The following CACNA2D1 variants were observed in gnomAD, a reference collection of about 807,000 sequenced individuals.
CACNA2D1 encodes voltage-dependent calcium channel subunit alpha-2/delta-1.
A neutral mutation model predicts 171.5 loss-of-function variants in CACNA2D1; 53 were observed. The ratio of observed to expected loss-of-function variants is 0.31; its 90% CI spans 0.25 to 0.39. The LOEUF (loss-of-function observed/expected upper bound fraction) is 0.39. Among genes scored for constraint, CACNA2D1 ranks in the 10% least tolerant of loss-of-function variants. The pLI is 1.00. For synonymous variants in CACNA2D1, 442 were observed against 443.1 expected, an observed-to-expected ratio of 1.00 and a Z score of 0.03; for missense variants, 903 against 1,299.8, an observed-to-expected ratio of 0.69 and a Z score of 4.69.
At chr7:82,110,609 G>A (rs150790158) in intron 6 of CACNA2D1, among the ~76,000 whole-genome samples, 165 of 152,200 alleles carry the variant, frequency 1.1e-3, no homozygotes, top group African/African-American at 3.9e-3. Flanking sequence ...CCTGCTCCCC[G>A]TTCGCTTGCT....
intron 18 of CACNA2D1, 87 bp downstream of exon 18, chr7:82,005,336 G>C: frequency 1.2e-6 from 1 of 834,468 alleles, no homozygotes; most frequent in Non-Finnish European, 2.0e-6. Flanking sequence ...AGTGTTATAC[G>C]GTAAATTTTA....
intron 4 of CACNA2D1, among the ~76,000 whole-genome samples, chr7:82,151,067 G>T (rs1389614087): frequency 2.0e-5 from 3 of 152,116 alleles, no homozygotes; most frequent in Admixed American, 1.3e-4. Context: ...TTGTTAAAAT[G>T]TTAATTTCTG....
chr7:82,430,319 G>C (rs1829565511), intron 1 of CACNA2D1, among the ~76,000 whole-genome samples: 1 of 151,602 alleles, frequency 6.6e-6, no homozygotes, highest in Non-Finnish European at 1.5e-5. Context: ...TCAGGAGGCT[G>C]AGGCAGGAGA....
intron 4 of CACNA2D1, among the ~76,000 whole-genome samples, chr7:82,146,536 A>G (rs1793129992): frequency 1.4e-5 from 2 of 146,616 alleles, no homozygotes; most frequent in African/African-American, 2.5e-5. Context: ...CTATATATAT[A>G]TCTTTTACAG....
At chr7:82,370,917 T>C (rs962093234) in intron 1 of CACNA2D1, among the ~76,000 whole-genome samples, 1 of 152,170 alleles carries the variant, frequency 6.6e-6, no homozygotes, top group Non-Finnish European at 1.5e-5. Flanking sequence ...CCAAGAACTT[T>C]AGTGAAAAAG....
intron 1 of CACNA2D1, among the ~76,000 whole-genome samples, chr7:82,421,172 GAC>G (rs1828684548): frequency 6.6e-6 from 1 of 152,120 alleles, no homozygotes; most frequent in South Asian, 2.1e-4. Context: ...GTTCTAAGGA[GAC>G]AGTTTCTGAT....
At chr7:82,278,441 T>A (rs890073785) in intron 3 of CACNA2D1, among the ~76,000 whole-genome samples, 1 of 150,890 alleles carries the variant, frequency 6.6e-6, no homozygotes, top group African/African-American at 2.4e-5. Flanking sequence ...TAGCTGGATC[T>A]CAGCTACTCA....
At chr7:82,251,522 G>A (rs994928775) in intron 3 of CACNA2D1, among the ~76,000 whole-genome samples, 1 of 152,080 alleles carries the variant, frequency 6.6e-6, no homozygotes, top group African/African-American at 2.4e-5. Context: ...AGAGTACAAT[G>A]TATTATCATT....
intron 4 of CACNA2D1, among the ~76,000 whole-genome samples, chr7:82,138,195 TACC>T (rs139668021): frequency 0.084 from 12,766 of 152,102 alleles, 652 homozygotes; most frequent in South Asian, 0.17. Flanking sequence ...TTGAGAAACA[TACC>T]ACGAGACTGA....
intron 1 of CACNA2D1, among the ~76,000 whole-genome samples, chr7:82,442,423 T>C (rs987662975): frequency 1.3e-5 from 2 of 152,200 alleles, no homozygotes; most frequent in African/African-American, 4.8e-5. Flanking sequence ...AAATAAATGC[T>C]TTCCCAGAAT....
intron 5 of CACNA2D1, among the ~76,000 whole-genome samples, chr7:82,132,778 AACAG>A (rs1055064263): frequency 1.3e-5 from 2 of 152,204 alleles, no homozygotes; most frequent in African/African-American, 4.8e-5. Flanking sequence ...GTATCTCTCT[AACAG>A]ACAAACTGAT....
At chr7:81,978,788 G>T (rs891104841) in intron 24 of CACNA2D1, among the ~76,000 whole-genome samples, 2 of 128,812 alleles carry the variant, frequency 1.6e-5, no homozygotes, top group Non-Finnish European at 3.2e-5. Context: ...CACACACACT[G>T]TTCAAAACAG....
chr7:82,345,681 A>AGT (rs3054696), intron 2 of CACNA2D1, among the ~76,000 whole-genome samples: 8,765 of 146,274 alleles, frequency 0.06, 279 homozygotes, highest in South Asian at 0.08. Flanking sequence ...TAGCTAAAGG[A>AGT]GTGTGTGTGT....
At chr7:82,010,172 T>C (rs1360344710) in intron 15 of CACNA2D1, among the ~76,000 whole-genome samples, 1 of 152,114 alleles carries the variant, frequency 6.6e-6, no homozygotes, top group Admixed American at 6.6e-5. Flanking sequence ...TTTTTCTCAT[T>C]ATATCCATTA....
At chr7:82,116,969 T>TC (rs747459817) in intron 6 of CACNA2D1, 75 bp downstream of exon 6, 24 of 1,503,572 alleles carry the variant, frequency 1.6e-5, no homozygotes, top group East Asian at 1.1e-4. Context: ...CTCTTTTTTT[T>TC]CCCCCTCAAA....
chr7:82,208,868 T>C (rs1427909670), intron 3 of CACNA2D1, among the ~76,000 whole-genome samples: 3 of 152,188 alleles, frequency 2.0e-5, no homozygotes, highest in East Asian at 3.8e-4. Flanking sequence ...TGTGAGGTAA[T>C]ACATATCTTA....
intron 3 of CACNA2D1, among the ~76,000 whole-genome samples, chr7:82,224,938 T>C (rs1486622764): frequency 6.6e-6 from 1 of 151,844 alleles, no homozygotes; most frequent in Non-Finnish European, 1.5e-5. Context: ...CAAAAAAAAA[T>C]ACATCAACTA....
At chr7:82,081,562 C>A (rs907882315) in intron 7 of CACNA2D1, among the ~76,000 whole-genome samples, 1 of 152,160 alleles carries the variant, frequency 6.6e-6, no homozygotes, top group African/African-American at 2.4e-5. Context: ...TGAATTCAGC[C>A]TGTTATTTGG....
intron 3 of CACNA2D1, among the ~76,000 whole-genome samples, chr7:82,222,898 C>CTTTTTTTTTTTTTTTTTTT (rs796527774): frequency 1.6e-5 from 2 of 124,520 alleles, no homozygotes; most frequent in Non-Finnish European, 3.6e-5. Flanking sequence ...TTCTTTCTTT[C>CTTTTTTTTTTTTTTTTTTT]TTTTTTTTTT....
Sources: gnomAD v4.1 joint callset for allele counts (sites outside exome capture counted in the v4.1 genomes callset) on GRCh38, gnomAD v4.1.1 for gene constraint, MANE v1.5 for transcripts, NCBI Gene and HGNC (gene_info 2026-07-23, HGNC 2026-07-21) for gene names.